Variants in LRRTM4 observed in about 807,000 individuals in gnomAD.
LRRTM4 encodes the protein leucine-rich repeat transmembrane neuronal protein 4.
LRRTM4 carries 25 observed loss-of-function variants against 47.6 expected under a neutral mutation model. The observed-to-expected ratio is 0.53, with a 90% CI of 0.38 to 0.73. The LOEUF (loss-of-function observed/expected upper bound fraction) is 0.73, where lower values mean the gene tolerates loss of function less well. LRRTM4 is among the 30% of genes least tolerant of loss of function. LRRTM4 has a pLI of 0.00. For synonymous variants in LRRTM4, 311 were observed against 269.5 expected, an observed-to-expected ratio of 1.15 and a Z score of -1.51; for missense variants, 638 against 713.4, an observed-to-expected ratio of 0.89 and a Z score of 1.20.
At chr2:77,398,299 C>T (rs1033768962) in intron 3 of LRRTM4, among the ~76,000 whole-genome samples, 2 of 151,918 alleles carry the variant, frequency 1.3e-5, no homozygotes, top group African/African-American at 2.4e-5. Flanking sequence ...TCTAGAACAT[C>T]TTCACTGAAA....
At chr2:76,911,828 CTG>C (rs1195092376) in intron 3 of LRRTM4, among the ~76,000 whole-genome samples, 1 of 149,020 alleles carries the variant, frequency 6.7e-6, no homozygotes, top group Non-Finnish European at 1.5e-5. Context: ...GTGTGTGTGC[CTG>C]TGTGTGTGTA....
intron 3 of LRRTM4, among the ~76,000 whole-genome samples, chr2:77,246,312 T>A (rs754615204): frequency 1.9e-4 from 29 of 152,166 alleles, no homozygotes; most frequent in Admixed American, 3.9e-4. Flanking sequence ...CACAGTGTGA[T>A]CAGCATGATG....
In LRRTM4 at chr2:77,243,946, G is replaced by C. The variant is rs891264721; in HGVS notation, c.1551+274372C>G. 1.1e-4 allele frequency among the ~76,000 whole-genome samples: 14 copies of C among 129,436 alleles called. No homozygotes were observed. The East Asian group carries it at 2.4e-3, about 22-fold the overall frequency. The allele number at this position is 129,436 out of a possible 152,430, so 84.9% of individuals were successfully genotyped here. On this transcript the variant is annotated intron_variant, in intron 3 of 3. Coordinates refer to ENST00000409884, the MANE Select transcript of LRRTM4 (RefSeq NM_001134745.3). ...TCCCCCCACCCCACCACAGTCCCCA[G>C]AGTGTGATATTCCCCTTCATGTGTC...
chr2:76,878,976 A>C (rs1225696886), intron 3 of LRRTM4, among the ~76,000 whole-genome samples: 1 of 152,164 alleles, frequency 6.6e-6, no homozygotes, highest in African/African-American at 2.4e-5. Flanking sequence ...CAAGTCCCTA[A>C]ATCTCTTCAA....
At chr2:77,305,748 A>G (rs1171211070) in intron 3 of LRRTM4, among the ~76,000 whole-genome samples, 1 of 151,180 alleles carries the variant, frequency 6.6e-6, no homozygotes, top group African/African-American at 2.5e-5. Context: ...GGTGGATGTT[A>G]TACTTTCTGA....
chr2:76,919,537 A>G (rs60439095), intron 3 of LRRTM4, among the ~76,000 whole-genome samples: 60,552 of 151,862 alleles, frequency 0.4, 13,481 homozygotes, highest in East Asian at 0.72. Flanking sequence ...TTGACTATGT[A>G]AGGATATGAT....
chr2:76,859,818 C>T (rs777268787), intron 3 of LRRTM4, among the ~76,000 whole-genome samples: 3 of 151,946 alleles, frequency 2.0e-5, no homozygotes, highest in Non-Finnish European at 4.4e-5. Flanking sequence ...TGAACTTCTT[C>T]GGTCTCAGTG....
At chr2:76,755,187 T>C (rs1474317820) in intron 3 of LRRTM4, among the ~76,000 whole-genome samples, 1 of 152,190 alleles carries the variant, frequency 6.6e-6, no homozygotes, top group Non-Finnish European at 1.5e-5. Context: ...CATTTTACTA[T>C]ACTTACAATG....
intron 3 of LRRTM4, among the ~76,000 whole-genome samples, chr2:76,914,807 CCAT>C (rs533365017): frequency 2.0e-4 from 30 of 152,140 alleles, no homozygotes; most frequent in Non-Finnish European, 3.8e-4. Context: ...TTGTTTCTCA[CCAT>C]CATATTTACT....
rs181076648 is a variant in LRRTM4 at position 77,179,653 on chromosome 2, A to G, written c.1551+338665T>C. Among the ~76,000 whole-genome samples, 525 of 152,288 alleles carry G rather than the reference A, an allele frequency of 3.4e-3. 1 individual carries two copies. Among genetic ancestry groups the G allele is most frequent in the African/African-American group, 0.012 (494 of 41,564 alleles). On this transcript the variant is annotated intron_variant, in intron 3 of 3. Coordinates refer to ENST00000409884, the MANE Select transcript of LRRTM4 (RefSeq NM_001134745.3). ...TCTATTAAAAAAATTAGACCATAAA[A>G]CTGTCCTAATAAGGTTGATTCGGGC...
At chr2:76,817,423 T>A (rs1478986955) in intron 3 of LRRTM4, among the ~76,000 whole-genome samples, 1 of 151,896 alleles carries the variant, frequency 6.6e-6, no homozygotes, top group African/African-American at 2.4e-5. Flanking sequence ...GGGGTGAGCA[T>A]GTAGGAGATA....
intron 3 of LRRTM4, among the ~76,000 whole-genome samples, chr2:77,049,056 T>A (rs1558549250): frequency 6.7e-6 from 1 of 148,806 alleles, no homozygotes; most frequent in East Asian, 2.0e-4. Context: ...ATTTAATATA[T>A]CTGAGCTCAT....
chr2:77,512,088 G>T (rs958362629), intron 3 of LRRTM4, among the ~76,000 whole-genome samples: 6 of 152,122 alleles, frequency 3.9e-5, no homozygotes, highest in Non-Finnish European at 5.9e-5. Flanking sequence ...CTCACAAGTA[G>T]CTGGGACTAC....
intron 3 of LRRTM4, among the ~76,000 whole-genome samples, chr2:76,868,577 A>C (rs1175619889): frequency 1.3e-5 from 2 of 152,200 alleles, no homozygotes; most frequent in African/African-American, 2.4e-5. Flanking sequence ...GATTTAGCAG[A>C]ATAAAAAAGG....
At chr2:77,509,232 A>AG (rs1491227594) in intron 3 of LRRTM4, among the ~76,000 whole-genome samples, 1 of 2,024 alleles carries the variant, frequency 4.9e-4, no homozygotes, top group Non-Finnish European at 9.5e-4. Context: ...ACTCTGTATC[A>AG]AAAAAAAAAA....
At chr2:77,375,257 A>G (rs1347935578) in intron 3 of LRRTM4, among the ~76,000 whole-genome samples, 1 of 151,616 alleles carries the variant, frequency 6.6e-6, no homozygotes, top group Non-Finnish European at 1.5e-5. Flanking sequence ...CTCTTTTTCT[A>G]TTATCAGGTT....
chr2:77,210,237 G>T (rs1049212045), intron 3 of LRRTM4, among the ~76,000 whole-genome samples: 4 of 152,114 alleles, frequency 2.6e-5, no homozygotes, highest in African/African-American at 9.7e-5. Flanking sequence ...CATCCCATTG[G>T]AAATAACATT....
At chr2:77,218,299 C>A (rs1674515422) in intron 3 of LRRTM4, among the ~76,000 whole-genome samples, 1 of 152,004 alleles carries the variant, frequency 6.6e-6, no homozygotes, top group Admixed American at 6.6e-5. Context: ...CAGCTGAGGT[C>A]TCTTTTTTTC....
At position 77,130,824 on chromosome 2, in the gene LRRTM4, A is replaced by ATTTTTTTT. The variant is rs768577274; in HGVS notation, c.1552-381916_1552-381909dup. Among the ~76,000 whole-genome samples, 26 of 35,634 alleles carry ATTTTTTTT rather than the reference A, an allele frequency of 7.3e-4. 5 individuals carry two copies. Among genetic ancestry groups the ATTTTTTTT allele is most frequent in the African/African-American group, 1.7e-3 (14 of 8,066 alleles). The allele number at this position is 35,634 out of a possible 152,430, so 23.4% of individuals were successfully genotyped here. On this transcript the variant is annotated intron_variant, in intron 3 of 3. Transcript: ENST00000409884. ...CCGTGCCCGGCCAATTATTTGTTCT[A>ATTTTTTTT]TTTTTTTTTTTTTTTTTTTTTTTTT...
Sources: allele counts gnomAD v4.1 joint callset (sites outside exome capture counted in the v4.1 genomes callset), GRCh38; gene constraint gnomAD v4.1.1; transcripts MANE v1.5; gene names NCBI Gene and HGNC (gene_info 2026-07-23, HGNC 2026-07-21).